Variants in AVEN observed in about 807,000 individuals in gnomAD.
The protein encoded by AVEN is cell death regulator Aven.
Under a neutral mutation model 38.1 loss-of-function variants are expected in AVEN, and 41 were observed. That is an observed-to-expected ratio of 1.08 (90% CI 0.84 to 1.40). The LOEUF (loss-of-function observed/expected upper bound fraction) is 1.40, where lower values mean the gene tolerates loss of function less well. Ranked by LOEUF, AVEN falls within the 40% of genes most tolerant of loss-of-function variation. AVEN has a pLI of 0.00. For missense variants in AVEN, 605 were observed against 438.8 expected (o/e 1.38, Z -3.38); for synonymous variants, 206 against 171.8 (o/e 1.20, Z -1.56).
intron 2 of AVEN, among the ~76,000 whole-genome samples, chr15:33,961,476 G>A (rs563831077): frequency 6.6e-6 from 1 of 151,850 alleles, no homozygotes; most frequent in Non-Finnish European, 1.5e-5. Context: ...TGCATCCTTG[G>A]GTGAATGCCA....
At chr15:33,884,120 C>G (rs1001597) in intron 2 of AVEN, among the ~76,000 whole-genome samples, 2,919 of 152,230 alleles carry the variant, frequency 0.019, 84 homozygotes, top group African/African-American at 0.066. Flanking sequence ...TCCCAAGTAG[C>G]TAGAAATACA....
intron 2 of AVEN, among the ~76,000 whole-genome samples, chr15:33,926,007 G>GT (rs1158845182): frequency 6.6e-6 from 1 of 152,138 alleles, no homozygotes; most frequent in East Asian, 1.9e-4. Flanking sequence ...TGTATGTGCT[G>GT]TTTTTCCAAG....
At chr15:33,869,470 C>T (rs1362330725) in intron 4 of AVEN, among the ~76,000 whole-genome samples, 1 of 152,164 alleles carries the variant, frequency 6.6e-6, no homozygotes, top group African/African-American at 2.4e-5. Context: ...CTAAACATTC[C>T]TCATCATATG....
At chr15:33,933,061 AT>A (rs1298532283) in intron 2 of AVEN, among the ~76,000 whole-genome samples, 1 of 152,180 alleles carries the variant, frequency 6.6e-6, no homozygotes, top group Non-Finnish European at 1.5e-5. Context: ...CCATTCAAAA[AT>A]GTTTGAAAGC....
intron 5 of AVEN, among the ~76,000 whole-genome samples, chr15:34,049,118 T>A (rs1229244953): frequency 1.3e-5 from 2 of 152,278 alleles, no homozygotes; most frequent in Non-Finnish European, 2.9e-5. Context: ...ACAAAAATGC[T>A]GAAAACTCAA....
chr15:33,865,094 G>A (rs776147976), downstream of AVEN: 7 of 1,537,946 alleles, frequency 4.6e-6, no homozygotes, highest in Non-Finnish European at 6.3e-6. Context: ...TTTTACTGTG[G>A]TTTAAAAATA....
At chr15:33,881,374 T>C (rs1240353060) in intron 2 of AVEN, among the ~76,000 whole-genome samples, 1 of 151,588 alleles carries the variant, frequency 6.6e-6, no homozygotes, top group Admixed American at 6.6e-5. Context: ...TATGAGACAC[T>C]GCATGTGGCC....
At chr15:33,945,350 A>G (rs1894467433) in intron 2 of AVEN, among the ~76,000 whole-genome samples, 1 of 152,150 alleles carries the variant, frequency 6.6e-6, no homozygotes, top group Non-Finnish European at 1.5e-5. Flanking sequence ...GTCTCATCTG[A>G]GGCCTTCATC....
At chr15:33,868,708 T>C (rs1262593557) in intron 4 of AVEN, among the ~76,000 whole-genome samples, 2 of 152,180 alleles carry the variant, frequency 1.3e-5, no homozygotes, top group Non-Finnish European at 2.9e-5. Context: ...TTGATGATTG[T>C]ATTTGTAAAA....
intron 1 of AVEN, among the ~76,000 whole-genome samples, chr15:34,020,752 T>C (rs1438443003): frequency 2.0e-5 from 3 of 152,206 alleles, no homozygotes; most frequent in Admixed American, 1.3e-4. Flanking sequence ...TAAATGAAAT[T>C]AGGCCAAATT....
At chr15:33,917,541 ATC>A (rs1407780133) in intron 2 of AVEN, among the ~76,000 whole-genome samples, 3 of 138,926 alleles carry the variant, frequency 2.2e-5, no homozygotes, top group African/African-American at 7.9e-5. Flanking sequence ...ATATATATAT[ATC>A]AATCACACAT....
At chr15:34,064,977 C>T (rs1597397089) in intron 4 of AVEN, 1 of 167,140 alleles carries the variant, frequency 6.0e-6, no homozygotes, top group East Asian at 1.9e-4. Context: ...TGCTGATCTC[C>T]AGGGAACCAT....
At chr15:34,003,271 C>T in intron 1 of AVEN, 62 bp from the exon 2 acceptor site, 1 of 1,475,798 alleles carries the variant, frequency 6.8e-7, no homozygotes, top group Non-Finnish European at 9.3e-7. Context: ...AGTAGACTTC[C>T]CAGTAAAACA....
chr15:34,073,207 ATTTTTTTTT>A (rs761265891), intron 1 of AVEN, among the ~76,000 whole-genome samples: 12 of 111,874 alleles, frequency 1.1e-4, no homozygotes, highest in African/African-American at 2.3e-4. Context: ...CGCCCGGCTA[ATTTTTTTTT>A]TTTTTTTTTT....
chr15:33,954,372 A>G (rs1237586629), intron 2 of AVEN, among the ~76,000 whole-genome samples: 1 of 152,208 alleles, frequency 6.6e-6, no homozygotes, highest in Non-Finnish European at 1.5e-5. Context: ...TTGTGGCACT[A>G]TTCACAATAG....
chr15:33,867,841 T>C lies in AVEN; in HGVS notation c.627A>G (p.Leu209=). 1.3e-6 allele frequency: 2 copies of C among 1,589,852 alleles called. No individual in the cohort carries two copies. Among genetic ancestry groups the C allele is most frequent in the Non-Finnish European group, 1.7e-6 (2 of 1,172,128 alleles). Residue 209 remains leucine, a synonymous_variant, in exon 5 of 6, where the codon TTA becomes TTG. Transcript: ENST00000306730. ...TCTTTGGTTTCACCTGAGGAACCTC[T>C]AAAGGAACTGTACCCTGAAAGAGAA... ...AAELVQGTVP[L]EVPQVKPKRT...
intron 5 of AVEN, among the ~76,000 whole-genome samples, chr15:34,053,319 A>AAAAAAAAATAT (rs775436850): frequency 2.4e-5 from 1 of 42,070 alleles, no homozygotes; most frequent in African/African-American, 8.0e-5. Flanking sequence ...AAAAAAAAAA[A>AAAAAAAAATAT]ATATATATAT....
intron 1 of AVEN, among the ~76,000 whole-genome samples, chr15:34,025,709 G>A (rs1311779293): frequency 6.6e-6 from 1 of 151,770 alleles, no homozygotes. Context: ...CAAAGGTTCA[G>A]AAGAAAAAAA....
chr15:33,935,566 C>G (rs529680404), intron 2 of AVEN, among the ~76,000 whole-genome samples: 1 of 151,962 alleles, frequency 6.6e-6, no homozygotes, highest in East Asian at 1.9e-4. Context: ...CATGATCCCA[C>G]TTGGAGATTT....
Sources: gnomAD v4.1 joint callset for allele counts (sites outside exome capture counted in the v4.1 genomes callset) on GRCh38, gnomAD v4.1.1 for gene constraint, MANE v1.5 for transcripts, NCBI Gene and HGNC (gene_info 2026-07-23, HGNC 2026-07-21) for gene names.